Variants in CLPTM1L observed in about 807,000 individuals in gnomAD.
CLPTM1L encodes the protein CLPTM1 like.
Under a neutral mutation model 70.9 loss-of-function variants are expected in CLPTM1L, and 38 were observed. The observed-to-expected ratio is 0.54, with a 90% CI of 0.41 to 0.70. The LOEUF (loss-of-function observed/expected upper bound fraction) is 0.70. Ranked by LOEUF, CLPTM1L falls within the 30% of genes least tolerant of loss-of-function variation. CLPTM1L has a pLI of 0.00. For synonymous variants in CLPTM1L, 339 were observed against 299.9 expected, an observed-to-expected ratio of 1.13 and a Z score of -1.35; for missense variants, 652 against 705.9, an observed-to-expected ratio of 0.92 and a Z score of 0.87.
rs1215266063 is a variant in CLPTM1L at position 1,344,406 on chromosome 5, T to C, written c.208A>G (p.Asn70Asp). Residue 70 changes from asparagine (N) to aspartate (D), a missense_variant, in exon 2 of 17, where the codon AAC becomes GAC. By Grantham distance (23) the Asn-to-Asp change is conservative (BLOSUM62 1). This residue lies in a region of CLPTM1L where 402 missense variants were observed against 388.2 expected (regional missense o/e 1.04). Transcript: ENST00000320895. Reference sequence around the variant, plus strand: ...TCCACATTCAAGACCAGGTCGATGTTGTTCTCAGCACCCAGGTGGGACCTC... The same window carrying C: ...TCCACATTCAAGACCAGGTCGATGTCGTTCTCAGCACCCAGGTGGGACCTC... ...TTRSHLGAEN[N>D]IDLVLNVEDF... 2 of 1,613,772 alleles carry C rather than the reference T, an allele frequency of 1.2e-6. No individual in the cohort carries two copies. Among genetic ancestry groups the C allele is most frequent in the Admixed American group, 3.3e-5 (2 of 60,004 alleles).
At position 1,338,896 on chromosome 5, in the gene CLPTM1L, G is replaced by A. The variant is rs1434771676; in HGVS notation, c.563C>T (p.Ser188Phe). The A allele has an allele frequency of 2.5e-6, 4 of 1,613,222 alleles. No homozygotes were observed. The highest frequency in any genetic ancestry group is 3.4e-6 in the Non-Finnish European group (4 of 1,180,054). The change falls in exon 4 of 17, where the codon TCC becomes TTC. Residue 188 changes from serine to phenylalanine, a missense_variant. Coordinates refer to ENST00000320895, the MANE Select transcript of CLPTM1L (RefSeq NM_030782.5). The stretch of plus-strand genomic sequence containing the variant: ...CCGATGCACATCGGCAGGCAGGGAG[G>A]ACCCGTCAAAGACAAAGTTGTCCGC... ...VMADNFVFDG[S>F]SLPADVHRYM...
rs3222913 is a variant in CLPTM1L, at chr5:1,342,039, T to TGTGTGTGTGTGC, written c.264-180_264-179insGCACACACACAC. On this transcript the variant is annotated intron_variant, in intron 2 of 16. Coordinates refer to ENST00000320895, the MANE Select transcript of CLPTM1L (RefSeq NM_030782.5). The surrounding 1 kb of genome is among the most constrained non-coding windows in gnomAD (Gnocchi z 4.3). Reference sequence around the variant, plus strand: ...GTGTGTGTGTGTGTGTGTGTGTGTGTGCACGCGCACGCGTGCGCGTCCTGA... The same window carrying TGTGTGTGTGTGC: ...GTGTGTGTGTGTGTGTGTGTGTGTGTGTGTGTGTGTGCGCACGCGCACGCGTGCGCGTCCTGA... 3.5e-3 allele frequency among the ~76,000 whole-genome samples: 528 copies of TGTGTGTGTGTGC among 149,082 alleles called. 8 individuals carry two copies. The highest frequency in any genetic ancestry group is 0.011 in the African/African-American group (456 of 39,778).
At position 1,321,688 on chromosome 5, in the gene CLPTM1L, GGAGA is replaced by G; in HGVS notation, c.1372-13_1372-10del. The G allele has an allele frequency of 6.2e-7, 1 of 1,614,058 alleles. No individual in the cohort carries two copies. Among genetic ancestry groups the G allele is most frequent in the Non-Finnish European group, 8.5e-7 (1 of 1,180,046 alleles). On this transcript the variant is annotated splice_polypyrimidine_tract_variant and intron_variant, in intron 14 of 16. Coordinates refer to ENST00000320895, the MANE Select transcript of CLPTM1L (RefSeq NM_030782.5). Reference sequence around the variant, plus strand: ...TGTGCCACTGACTTCAACTGAAACAGGAGAGACAGGCCCAGGTCAGCTGTGGGCA... The same window carrying G: ...TGTGCCACTGACTTCAACTGAAACAGGACAGGCCCAGGTCAGCTGTGGGCA...
chr5:1,320,590 G>T, intron 16 of CLPTM1L, 26 bp downstream of exon 16: 1 of 1,339,732 alleles, frequency 7.5e-7, no homozygotes, highest in Non-Finnish European at 1.0e-6. Flanking sequence ...ACGGAGCAAC[G>T]GCCGAGCATA....
At chr5:1,324,861 T>C (rs750778326) in intron 10 of CLPTM1L, 48 bp from the exon 11 acceptor site, 3 of 1,542,800 alleles carry the variant, frequency 1.9e-6, no homozygotes, top group Non-Finnish European at 1.8e-6. Context: ...AGGGAGGATC[T>C]GAGCACAGCT....
intron 9 of CLPTM1L, among the ~76,000 whole-genome samples, chr5:1,330,078 GA>G (rs1364108859): frequency 6.6e-6 from 1 of 152,052 alleles, no homozygotes; most frequent in African/African-American, 2.4e-5. Context: ...GATACCACCC[GA>G]ACACGCATTT....
chr5:1,327,398 C>G (rs1287342744), intron 9 of CLPTM1L, among the ~76,000 whole-genome samples: 4 of 138,252 alleles, frequency 2.9e-5, no homozygotes, highest in Non-Finnish European at 4.8e-5. Context: ...CCTCTACAGG[C>G]ACATTCCATC....
chr5:1,321,383 A>T (rs1323280956), intron 15 of CLPTM1L, among the ~76,000 whole-genome samples: 1 of 152,172 alleles, frequency 6.6e-6, no homozygotes, highest in East Asian at 1.9e-4. Context: ...GAAGAAACAT[A>T]AACACTAAAA....
At chr5:1,323,123 C>T (rs1225628424) in intron 12 of CLPTM1L, among the ~76,000 whole-genome samples, 1 of 152,104 alleles carries the variant, frequency 6.6e-6, no homozygotes, top group African/African-American at 2.4e-5. Flanking sequence ...GCCGGGCACT[C>T]CAGGAACCCC....
In CLPTM1L at chr5:1,334,390, A is replaced by T; in HGVS notation, c.797-7T>A. 6.6e-7 allele frequency: 1 copy of T among 1,510,522 alleles called. No homozygotes were observed. The highest frequency in any genetic ancestry group is 1.2e-5 in the South Asian group (1 of 86,420). 93.6% of individuals were successfully genotyped at this position (1,510,522 alleles called of 1,614,324 possible). ...GCATCTTTCTCTGAAAACCCTGTCAAGGAAAAAAAAACATACAATATAAAA... is the reference window on the plus strand; with the variant it reads ...GCATCTTTCTCTGAAAACCCTGTCATGGAAAAAAAAACATACAATATAAAA... On this transcript the variant is annotated splice_polypyrimidine_tract_variant and splice_region_variant and intron_variant, in intron 6 of 16. Coordinates refer to ENST00000320895, the MANE Select transcript of CLPTM1L (RefSeq NM_030782.5).
Position 1,337,938 on chromosome 5 carries a change from A to T in CLPTM1L, c.644T>A (p.Ile215Asn), listed in dbSNP as rs1579650864. The change falls in exon 5 of 17, where the codon ATC (isoleucine) becomes AAC (asparagine). Residue 215 changes from isoleucine (I) to asparagine (N), a missense_variant. By Grantham distance (149) the Ile-to-Asn change is moderately radical. This residue lies in a region of CLPTM1L where 402 missense variants were observed against 388.2 expected (regional missense o/e 1.04). Transcript: ENST00000320895. ...CTTCACGCGGTTGCTGAGCTGGTCG[A>T]TGAACAGGATGGGCAGGTAATGCAC... ...KTVHYLPILF[I>N]DQLSNRVKDL... 6.2e-7 allele frequency: 1 copy of T among 1,607,854 alleles called. No homozygotes were observed. Among genetic ancestry groups the T allele is most frequent in the Non-Finnish European group, 8.5e-7 (1 of 1,178,182 alleles).
chr5:1,344,882 A>C lies in CLPTM1L; in HGVS notation c.-41T>G. On this transcript the variant is annotated 5_prime_UTR_variant, in exon 1 of 17. Transcript: ENST00000320895. Reference sequence around the variant, plus strand: ...GGCGCCCCCGGCCCGCCCGCCTCTCAGCCGCGAGCCCCGCCCGCCCGGCGC... The same window carrying C: ...GGCGCCCCCGGCCCGCCCGCCTCTCCGCCGCGAGCCCCGCCCGCCCGGCGC... 1 of 1,136,028 alleles carries C rather than the reference A, an allele frequency of 8.8e-7. No individual in the cohort carries two copies. The allele number at this position is 1,136,028 out of a possible 1,614,324, so 70.4% of individuals were successfully genotyped here. A position where few individuals can be genotyped will look rare whatever the true frequency, so the allele number is the denominator to read the frequency against.
rs760944227 is a variant in CLPTM1L at position 1,320,602 on chromosome 5, G to C, written c.1532+14C>G. 3 of 1,442,692 alleles carry C rather than the reference G, an allele frequency of 2.1e-6. No individual in the cohort carries two copies. The highest frequency in any genetic ancestry group is 2.8e-6 in the Non-Finnish European group (3 of 1,069,992). 89.4% of individuals were successfully genotyped at this position (1,442,692 alleles called of 1,614,324 possible). A position where few individuals can be genotyped will look rare whatever the true frequency, so the allele number is the denominator to read the frequency against. On this transcript the variant is annotated intron_variant, in intron 16 of 16. Transcript: ENST00000320895. ...GAGACGGAGCAACGGCCGAGCATAC[G>C]CAGCCGCACTCACCACCGCTGGTAC...
intron 7 of CLPTM1L, among the ~76,000 whole-genome samples, chr5:1,333,702 G>T (rs1429898319): frequency 3.5e-5 from 4 of 115,112 alleles, no homozygotes; most frequent in Admixed American, 1.2e-4. Flanking sequence ...CACCGCAAGA[G>T]GATAAGGGGG....
intron 5 of CLPTM1L, 121 bp from the exon 6 acceptor site, chr5:1,335,295 C>G: frequency 1.3e-6 from 1 of 776,806 alleles, no homozygotes; most frequent in Middle Eastern, 2.4e-4. Context: ...TCAGCCATGA[C>G]TGGGCCCAGC....
intron 7 of CLPTM1L, 35 bp from the exon 8 acceptor site, chr5:1,331,918 CCT>C: frequency 6.8e-7 from 1 of 1,472,618 alleles, no homozygotes; most frequent in Non-Finnish European, 9.5e-7. Context: ...ACTCACATCT[CCT>C]GCTGTTTCCA....
intron 1 of CLPTM1L, 66 bp from the exon 2 acceptor site, chr5:1,344,517 G>A (rs567900747): frequency 7.9e-6 from 12 of 1,518,114 alleles, no homozygotes; most frequent in Admixed American, 3.5e-5. Flanking sequence ...CAAATCCCAC[G>A]GCCAGCTGGA....
At chr5:1,343,161 A>C (rs1176815001) in intron 2 of CLPTM1L, among the ~76,000 whole-genome samples, 2 of 152,108 alleles carry the variant, frequency 1.3e-5, no homozygotes, top group Non-Finnish European at 2.9e-5. Flanking sequence ...ACTGCACTCC[A>C]GCCTGGCAAC....
chr5:1,338,141 G>C, intron 4 of CLPTM1L, 159 bp from the exon 5 acceptor site: 1 of 648,324 alleles, frequency 1.5e-6, no homozygotes, highest in Non-Finnish European at 2.8e-6. Context: ...CTCCCCAAAC[G>C]GAAGCAGAGA....
Sources: allele counts gnomAD v4.1 joint callset (sites outside exome capture counted in the v4.1 genomes callset), GRCh38; gene constraint gnomAD v4.1.1; regional missense constraint gnomAD v4.1.1; non-coding constraint Gnocchi (gnomAD v3.1); transcripts MANE v1.5; gene names NCBI Gene and HGNC (gene_info 2026-07-23, HGNC 2026-07-21).